TMEM135: variants seen among roughly 807,000 people sequenced by gnomAD.
TMEM135 encodes the protein transmembrane protein 135.
TMEM135 carries 30 observed loss-of-function variants against 60.3 expected under a neutral mutation model. That is an observed-to-expected ratio of 0.50 (90% confidence interval 0.37 to 0.68). The LOEUF (loss-of-function observed/expected upper bound fraction) is 0.68, where lower values mean the gene tolerates loss of function less well. Ranked by LOEUF, TMEM135 falls within the 30% of genes least tolerant of loss-of-function variation. TMEM135 has a pLI of 0.00. For synonymous variants in TMEM135, 190 were observed against 186.7 expected (o/e 1.02, Z -0.14); for missense variants, 468 against 548.8 (o/e 0.85, Z 1.47).
chr11:87,210,444 G>A (rs1232499920), intron 5 of TMEM135, among the ~76,000 whole-genome samples: 1 of 151,988 alleles, frequency 6.6e-6, no homozygotes, highest in East Asian at 1.9e-4. Flanking sequence ...GAAACACAAC[G>A]CCTCCCAAGA....
chr11:87,154,749 GT>G, intron 4 of TMEM135, among the ~76,000 whole-genome samples: 1 of 84,218 alleles, frequency 1.2e-5, no homozygotes, highest in Middle Eastern at 7.2e-3. Context: ...ATCATTTCAT[GT>G]GCTTATTGGC....
rs1369231646 is a variant in TMEM135, at chr11:87,326,106, T to C, written c.*4773T>C. On this transcript the variant is annotated 3_prime_UTR_variant, in exon 15 of 15. Coordinates refer to ENST00000305494, the MANE Select transcript of TMEM135 (RefSeq NM_022918.4). ...TGTTCAGTTTTTTTTTTTTTTAATA[T>C]TCAGTTTTGTGCCATACTCTCCCCC... The C allele has an allele frequency of 4.4e-6, 2 of 453,686 alleles. No individual in the cohort carries two copies. Among genetic ancestry groups the C allele is most frequent in the Non-Finnish European group, 4.4e-6 (1 of 226,728 alleles). 28.1% of individuals were successfully genotyped at this position (453,686 alleles called of 1,614,324 possible).
intron 4 of TMEM135, among the ~76,000 whole-genome samples, chr11:87,122,996 C>G (rs898554562): frequency 7.9e-4 from 120 of 152,256 alleles, no homozygotes; most frequent in Non-Finnish European, 1.3e-4. Flanking sequence ...TTAACTTTGC[C>G]AGCGTAGAAT....
chr11:87,307,295 G>GGTTTT (rs900589904), intron 9 of TMEM135, among the ~76,000 whole-genome samples: 1 of 150,832 alleles, frequency 6.6e-6, no homozygotes, highest in African/African-American at 2.4e-5. Context: ...AAAATAGTAG[G>GGTTTT]GTTTTGTTTT....
chr11:87,292,625 A>G (rs972202553), intron 6 of TMEM135, among the ~76,000 whole-genome samples: 6 of 152,138 alleles, frequency 3.9e-5, no homozygotes, highest in African/African-American at 1.4e-4. Flanking sequence ...TTAGTGTCAA[A>G]ATGTGGGATC....
chr11:87,060,069 C>T (rs537930155), intron 1 of TMEM135, among the ~76,000 whole-genome samples: 3 of 151,880 alleles, frequency 2.0e-5, no homozygotes, highest in South Asian at 2.1e-4. Flanking sequence ...GCGGAGATCG[C>T]GCCACTGCAC....
intron 5 of TMEM135, among the ~76,000 whole-genome samples, chr11:87,164,356 C>T (rs1457177304): frequency 9.6e-6 from 1 of 104,606 alleles, no homozygotes; most frequent in African/African-American, 4.1e-5. Context: ...TGTAGATATG[C>T]GGCGTTATTT....
chr11:87,327,330 G>C lies in TMEM135; in HGVS notation c.*5997G>C. 1 of 453,986 alleles carries C rather than the reference G, an allele frequency of 2.2e-6. No individual in the cohort carries two copies. 28.1% of individuals were successfully genotyped at this position (453,986 alleles called of 1,614,324 possible). On this transcript the variant is annotated 3_prime_UTR_variant, in exon 15 of 15. Transcript: ENST00000305494. ...GGCAGCAATCTTGCAGACATGAAAT[G>C]AAAAGTACAAACATGAAAAACCAGC...
intron 4 of TMEM135, among the ~76,000 whole-genome samples, chr11:87,136,074 C>T (rs934086187): frequency 7.2e-5 from 11 of 151,868 alleles, no homozygotes; most frequent in Admixed American, 6.6e-4. Flanking sequence ...ATCTTATATC[C>T]TGCAACTTTG....
At chr11:87,277,678 C>T (rs1820123261) in intron 6 of TMEM135, among the ~76,000 whole-genome samples, 3 of 151,316 alleles carry the variant, frequency 2.0e-5, no homozygotes, top group Non-Finnish European at 2.9e-5. Context: ...CCCACCACCA[C>T]GCCTGGCTAA....
chr11:87,158,399 C>G (rs1484539400), intron 5 of TMEM135, among the ~76,000 whole-genome samples: 1 of 151,860 alleles, frequency 6.6e-6, no homozygotes, highest in Non-Finnish European at 1.5e-5. Flanking sequence ...CAGAAATGTG[C>G]CAACATTTGA....
intron 5 of TMEM135, among the ~76,000 whole-genome samples, chr11:87,182,576 T>G (rs924907481): frequency 6.6e-6 from 1 of 152,154 alleles, no homozygotes; most frequent in Non-Finnish European, 1.5e-5. Flanking sequence ...TCACAGTGTT[T>G]GATTATTAAA....
chr11:87,157,993 C>G (rs1398639023), intron 5 of TMEM135: 1 of 152,866 alleles, frequency 6.5e-6, no homozygotes, highest in African/African-American at 2.4e-5. Context: ...TCTTTATTTT[C>G]TCCTTTACTA....
At chr11:87,129,355 GTC>G (rs1937839791) in intron 4 of TMEM135, among the ~76,000 whole-genome samples, 1 of 149,770 alleles carries the variant, frequency 6.7e-6, no homozygotes, top group Non-Finnish European at 1.5e-5. Context: ...CAGTTCTCCT[GTC>G]TCAGCCTCCC....
intron 6 of TMEM135, among the ~76,000 whole-genome samples, chr11:87,261,952 A>G (rs12284040): frequency 0.35 from 53,739 of 152,000 alleles, 10,056 homozygotes; most frequent in Non-Finnish European, 0.42. Context: ...ATACCTTTGT[A>G]CCTATGTTTA....
chr11:87,285,281 A>G (rs1230382139), intron 6 of TMEM135, among the ~76,000 whole-genome samples: 2 of 152,244 alleles, frequency 1.3e-5, no homozygotes, highest in African/African-American at 4.8e-5. Context: ...TTTTAAAAAC[A>G]GAATAAGAAA....
At chr11:87,126,070 G>C (rs753368725) in intron 4 of TMEM135, among the ~76,000 whole-genome samples, 39 of 152,080 alleles carry the variant, frequency 2.6e-4, no homozygotes, top group Non-Finnish European at 5.3e-4. Context: ...ATTGGGATCT[G>C]CTTTATGGCC....
rs755812884 is a variant in TMEM135 at position 87,306,020 on chromosome 11, G to A, written c.768+15G>A. ...ATTGCATTAAAGTAAGTATATGAAA[G>A]TATGTACTTTATTAACAGTAGGGAA... On this transcript the variant is annotated intron_variant, in intron 9 of 14. Coordinates refer to ENST00000305494, the MANE Select transcript of TMEM135 (RefSeq NM_022918.4). The A allele has an allele frequency of 9.2e-6, 14 of 1,515,302 alleles. No individual in the cohort carries two copies. Among genetic ancestry groups the A allele is most frequent in the Middle Eastern group, 1.8e-4 (1 of 5,500 alleles). The allele number at this position is 1,515,302 out of a possible 1,614,324, so 93.9% of individuals were successfully genotyped here.
intron 5 of TMEM135, among the ~76,000 whole-genome samples, chr11:87,161,580 C>T (rs1013546061): frequency 1.3e-5 from 2 of 152,046 alleles, no homozygotes; most frequent in Non-Finnish European, 1.5e-5. Context: ...GGATTTCAAA[C>T]CCTGCTTCTT....
Sources: gnomAD v4.1 joint callset for allele counts (sites outside exome capture counted in the v4.1 genomes callset) on GRCh38, gnomAD v4.1.1 for gene constraint, MANE v1.5 for transcripts, NCBI Gene and HGNC (gene_info 2026-07-23, HGNC 2026-07-21) for gene names.